Variants in SETBP1 observed in about 807,000 individuals in gnomAD.
The protein encoded by SETBP1 is SET binding protein 1, also known as SET-binding protein.
SETBP1 carries 9 observed loss-of-function variants against 101.0 expected under a neutral mutation model. The ratio of observed to expected loss-of-function variants is 0.09; its 90% CI spans 0.05 to 0.16. SETBP1 has a LOEUF of 0.16. Among genes scored for constraint, SETBP1 ranks in the 10% least tolerant of loss-of-function variants. The pLI is 1.00. For synonymous variants in SETBP1, 818 were observed against 788.5 expected (o/e 1.04, Z -0.63); for missense variants, 1,858 against 2,033.8 (o/e 0.91, Z 1.66).
At chr18:44,921,389 C>A (rs2070576093) in intron 3 of SETBP1, among the ~76,000 whole-genome samples, 1 of 152,308 alleles carries the variant, frequency 6.6e-6, no homozygotes, top group South Asian at 2.1e-4. Context: ...GAGCCCTGAG[C>A]AGGGGGCTGG....
chr18:44,823,004 G>A (rs1242048250), intron 2 of SETBP1, among the ~76,000 whole-genome samples: 2 of 152,184 alleles, frequency 1.3e-5, no homozygotes, highest in African/African-American at 4.8e-5. Flanking sequence ...GGTGGTGTTA[G>A]CCTGTAATCC....
chr18:44,885,374 T>C (rs930815011), intron 3 of SETBP1, among the ~76,000 whole-genome samples: 1 of 152,154 alleles, frequency 6.6e-6, no homozygotes, highest in Non-Finnish European at 1.5e-5. Flanking sequence ...AATGAGCACA[T>C]GAATCCCAAG....
At chr18:44,929,404 T>C (rs952098780) in intron 3 of SETBP1, among the ~76,000 whole-genome samples, 2 of 152,184 alleles carry the variant, frequency 1.3e-5, no homozygotes, top group African/African-American at 4.8e-5. Context: ...CTTCGGATTG[T>C]CTTGGCAATG....
At chr18:44,870,746 TTGTGTGG>T in intron 3 of SETBP1, 1 of 152,128 alleles carries the variant, frequency 6.6e-6, no homozygotes, top group South Asian at 2.1e-4. Flanking sequence ...TTAAAGGAAA[TTGTGTGG>T]TGCTGTTTTA....
rs183952526 is a variant in SETBP1 at position 45,059,694 on chromosome 18, A to T, written c.4172-3385A>T. On this transcript the variant is annotated intron_variant, in intron 5 of 5. Transcript: ENST00000649279. ...TAAATGAAAATTAGGTGATATTAAAATTCAGTTTCTCAGTCACACCAGCCA... is the reference window on the plus strand; with the variant it reads ...TAAATGAAAATTAGGTGATATTAAATTTCAGTTTCTCAGTCACACCAGCCA... Among the ~76,000 whole-genome samples the T allele has an allele frequency of 2.0e-3, 306 of 152,322 alleles. 3 individuals carry two copies. Among genetic ancestry groups the T allele is most frequent in the African/African-American group, 7.0e-3 (292 of 41,582 alleles).
intron 2 of SETBP1, among the ~76,000 whole-genome samples, chr18:44,789,933 G>A (rs1432800520): frequency 6.6e-6 from 1 of 152,186 alleles, no homozygotes; most frequent in Non-Finnish European, 1.5e-5. Flanking sequence ...AGAGTCAGAA[G>A]TCATTGTGTG....
intron 2 of SETBP1, among the ~76,000 whole-genome samples, chr18:44,722,178 TG>T (rs1358578027): frequency 6.6e-6 from 1 of 152,212 alleles, no homozygotes; most frequent in Non-Finnish European, 1.5e-5. Context: ...AGCATTGGTA[TG>T]ACATTGACAT....
chr18:44,797,198 G>A (rs1013693026), intron 2 of SETBP1, among the ~76,000 whole-genome samples: 1 of 152,138 alleles, frequency 6.6e-6, no homozygotes, highest in African/African-American at 2.4e-5. Flanking sequence ...TTTCTTACTT[G>A]TAAGTGTTGA....
chr18:44,746,807 T>C (rs2070261390), intron 2 of SETBP1, among the ~76,000 whole-genome samples: 1 of 151,952 alleles, frequency 6.6e-6, no homozygotes. Flanking sequence ...CAACATGGAG[T>C]CTGTGGTCTG....
chr18:45,004,959 T>A (rs1402954980), intron 4 of SETBP1, among the ~76,000 whole-genome samples: 1 of 152,204 alleles, frequency 6.6e-6, no homozygotes, highest in Admixed American at 6.5e-5. Flanking sequence ...GAAATATAGC[T>A]GGTGTGGGAC....
At chr18:44,713,996 A>C (rs2069404153) in intron 2 of SETBP1, among the ~76,000 whole-genome samples, 3 of 152,194 alleles carry the variant, frequency 2.0e-5, no homozygotes, top group Admixed American at 2.0e-4. Flanking sequence ...CTAGATGGCT[A>C]TCTGCCTTCT....
At chr18:44,800,476 A>C (rs1400424714) in intron 2 of SETBP1, among the ~76,000 whole-genome samples, 1 of 152,204 alleles carries the variant, frequency 6.6e-6, no homozygotes, top group Non-Finnish European at 1.5e-5. Flanking sequence ...GACAATCAAA[A>C]TGTAAATAAA....
Position 44,871,748 on chromosome 18 carries a change from G to A in SETBP1, c.540+2465G>A, listed in dbSNP as rs367763934. 7 of 152,250 alleles carry A rather than the reference G, an allele frequency of 4.6e-5. No individual in the cohort carries two copies. The South Asian group carries it at 1.5e-3, about 32-fold the overall frequency. 9.4% of individuals were successfully genotyped at this position (152,250 alleles called of 1,614,324 possible). A position where few individuals can be genotyped will look rare whatever the true frequency, so the allele number is the denominator to read the frequency against. Reference sequence around the variant, plus strand: ...CCCATGGTTATTGGTTACTAAAAATGCGATGTTCATTCCTGGAAATAAACA... The same window carrying A: ...CCCATGGTTATTGGTTACTAAAAATACGATGTTCATTCCTGGAAATAAACA... On this transcript the variant is annotated intron_variant, in intron 3 of 5. Transcript: ENST00000649279.
At chr18:44,782,786 C>T (rs2071159207) in intron 2 of SETBP1, among the ~76,000 whole-genome samples, 1 of 152,130 alleles carries the variant, frequency 6.6e-6, no homozygotes, top group Non-Finnish European at 1.5e-5. Context: ...GGTGGGCATA[C>T]ACCACTAACT....
intron 2 of SETBP1, among the ~76,000 whole-genome samples, chr18:44,714,457 C>G (rs367571378): frequency 6.6e-6 from 1 of 152,148 alleles, no homozygotes; most frequent in Non-Finnish European, 1.5e-5. Flanking sequence ...CCGCCTTGGC[C>G]TCCCAAAGTT....
chr18:44,900,131 T>A (rs2070007616), intron 3 of SETBP1, among the ~76,000 whole-genome samples: 1 of 152,188 alleles, frequency 6.6e-6, no homozygotes, highest in African/African-American at 2.4e-5. Context: ...AAAGCTGAGA[T>A]GAATAGATCA....
chr18:44,724,760 T>C (rs541414837), intron 2 of SETBP1, among the ~76,000 whole-genome samples: 1 of 152,154 alleles, frequency 6.6e-6, no homozygotes, highest in South Asian at 2.1e-4. Flanking sequence ...AGGATTGAAA[T>C]ATTTGCTGAA....
At chr18:44,775,880 C>T (rs991371123) in intron 2 of SETBP1, among the ~76,000 whole-genome samples, 1 of 152,136 alleles carries the variant, frequency 6.6e-6, no homozygotes, top group African/African-American at 2.4e-5. Flanking sequence ...GAAGCAGATC[C>T]CTGCTCAAGC....
At chr18:45,052,567 A>G (rs2073739670) in intron 5 of SETBP1, among the ~76,000 whole-genome samples, 1 of 152,194 alleles carries the variant, frequency 6.6e-6, no homozygotes, top group Non-Finnish European at 1.5e-5. Context: ...CATCAGATGT[A>G]ATATCCTCTC....
Sources: allele counts gnomAD v4.1 joint callset (sites outside exome capture counted in the v4.1 genomes callset), GRCh38; gene constraint gnomAD v4.1.1; transcripts MANE v1.5; gene names NCBI Gene and HGNC (gene_info 2026-07-23, HGNC 2026-07-21).